Variants in GOLGA5 observed in about 807,000 individuals in gnomAD.
GOLGA5 encodes the protein golgin subfamily A member 5.
A neutral mutation model predicts 93.5 loss-of-function variants in GOLGA5; 50 were observed. That is an observed-to-expected ratio of 0.53 (90% CI 0.43 to 0.68). GOLGA5 has a LOEUF of 0.68. Ranked by LOEUF, GOLGA5 falls within the 30% of genes least tolerant of loss-of-function variation. GOLGA5 has a pLI of 0.00. For synonymous variants in GOLGA5, 312 were observed against 304.5 expected, an observed-to-expected ratio of 1.02 and a Z score of -0.26; for missense variants, 760 against 856.4, an observed-to-expected ratio of 0.89 and a Z score of 1.40.
chr14:92,823,263 T>C (rs1420999449), intron 8 of GOLGA5, among the ~76,000 whole-genome samples: 1 of 152,152 alleles, frequency 6.6e-6, no homozygotes, highest in Non-Finnish European at 1.5e-5. Flanking sequence ...ATTCTCAAGG[T>C]ATCTAGATCT....
intron 9 of GOLGA5, among the ~76,000 whole-genome samples, chr14:92,830,999 CTGAGG>C (rs1885520207): frequency 6.6e-6 from 1 of 152,186 alleles, no homozygotes; most frequent in Admixed American, 6.5e-5. Context: ...CATATTATCT[CTGAGG>C]TGTGCCTGTA....
chr14:92,799,041 G>T (rs1244367275), intron 2 of GOLGA5, among the ~76,000 whole-genome samples: 1 of 151,938 alleles, frequency 6.6e-6, no homozygotes, highest in Non-Finnish European at 1.5e-5. Flanking sequence ...ATCACAGCTC[G>T]CACTACCTTT....
chr14:92,819,098 C>T (rs1434037633), intron 7 of GOLGA5, among the ~76,000 whole-genome samples: 1 of 152,116 alleles, frequency 6.6e-6, no homozygotes, highest in African/African-American at 2.4e-5. Context: ...CAGTGAAGTC[C>T]TTTGTGCTAT....
At chr14:92,831,116 A>G (rs1273343619) in intron 9 of GOLGA5, among the ~76,000 whole-genome samples, 1 of 152,198 alleles carries the variant, frequency 6.6e-6, no homozygotes, top group East Asian at 1.9e-4. Flanking sequence ...GATTGGCAGT[A>G]GCATGTGTTG....
chr14:92,797,779 A>T lies in GOLGA5; in HGVS notation c.342A>T (p.Lys114Asn), dbSNP rs1296373182. ...PRPSSHFVRR[K>N]KSEPDDELLF... is the part of the protein sequence containing the mutation. ...CTTCATCCCATTTTGTGCGAAGAAA[A>T]AAGTCAGAACCTGATGATGAGCTGC... Residue 114 changes from lysine (K) to asparagine (N), a missense_variant, in exon 2 of 13, where the codon AAA (lysine) becomes AAT (asparagine). Coordinates refer to ENST00000163416, the MANE Select transcript of GOLGA5 (RefSeq NM_005113.4). The T allele has an allele frequency of 2.5e-6, 4 of 1,613,792 alleles. No homozygotes were observed. Among genetic ancestry groups the T allele is most frequent in the Non-Finnish European group, 3.4e-6 (4 of 1,179,910 alleles).
At chr14:92,833,440 C>A in intron 10 of GOLGA5, 93 bp downstream of exon 10, 1 of 899,766 alleles carries the variant, frequency 1.1e-6, no homozygotes, top group Non-Finnish European at 1.8e-6. Context: ...GAAACTTCAT[C>A]CAGTGAAGGA....
At chr14:92,838,226 C>T (rs1421839508) in intron 12 of GOLGA5, among the ~76,000 whole-genome samples, 1 of 152,102 alleles carries the variant, frequency 6.6e-6, no homozygotes, top group Non-Finnish European at 1.5e-5. Context: ...CCTAAAAAGG[C>T]TGCTAACTAT....
At chr14:92,807,538 A>C (rs1885014965) in intron 3 of GOLGA5, among the ~76,000 whole-genome samples, 1 of 152,188 alleles carries the variant, frequency 6.6e-6, no homozygotes, top group African/African-American at 2.4e-5. Flanking sequence ...GAGAGGAACA[A>C]ACTAGTAGTA....
chr14:92,818,533 G>A (rs1185207594), intron 7 of GOLGA5, among the ~76,000 whole-genome samples: 1 of 152,184 alleles, frequency 6.6e-6, no homozygotes, highest in Non-Finnish European at 1.5e-5. Context: ...TCAAATTGAT[G>A]ACAAAGATTA....
chr14:92,797,334 T>TC, intron 1 of GOLGA5, 74 bp from the exon 2 acceptor site: 2 of 856,922 alleles, frequency 2.3e-6, no homozygotes, highest in East Asian at 2.5e-5. Context: ...ATTGCCTGAC[T>TC]CCAGAGTCTG....
intron 4 of GOLGA5, among the ~76,000 whole-genome samples, 199 bp downstream of exon 4, chr14:92,809,718 C>T (rs1040994892): frequency 2.6e-5 from 4 of 152,118 alleles, no homozygotes; most frequent in Non-Finnish European, 5.9e-5. Context: ...CTTTGGGAAG[C>T]CGAGGCAGGT....
Position 92,811,827 on chromosome 14 carries a change from A to C in GOLGA5, c.1320+73A>C. 11 of 1,059,112 alleles carry C rather than the reference A, an allele frequency of 1.0e-5. No homozygotes were observed. In the South Asian group the frequency reaches 1.3e-4, roughly 12 times the overall value. 65.6% of individuals were successfully genotyped at this position (1,059,112 alleles called of 1,614,324 possible). ...TGAAAGGCAATTTGAGACTGTGTAG[A>C]TACTGTGTGAGGTGCTTTGTTCATG... On this transcript the variant is annotated intron_variant, in intron 6 of 12. Coordinates refer to ENST00000163416, the MANE Select transcript of GOLGA5 (RefSeq NM_005113.4).
At chr14:92,816,601 C>T (rs1885214323) in intron 7 of GOLGA5, among the ~76,000 whole-genome samples, 180 bp downstream of exon 7, 1 of 152,298 alleles carries the variant, frequency 6.6e-6, no homozygotes, top group African/African-American at 2.4e-5. Flanking sequence ...GGATCTTGCT[C>T]TGTCTCCCAG....
chr14:92,811,837 A>G (rs1885108951), intron 6 of GOLGA5, 83 bp downstream of exon 6: 2 of 980,696 alleles, frequency 2.0e-6, no homozygotes, highest in Admixed American at 1.9e-5. Context: ...ATACTGTGTG[A>G]GGTGCTTTGT....
At chr14:92,824,426 C>T (rs45487597) in intron 8 of GOLGA5, 120 bp from the exon 9 acceptor site, 11,228 of 578,830 alleles carry the variant, frequency 0.019, 177 homozygotes, top group Non-Finnish European at 0.025. Context: ...CAGTTATATA[C>T]GGAGTTACAT....
intron 8 of GOLGA5, among the ~76,000 whole-genome samples, chr14:92,820,147 C>T (rs1263286004): frequency 6.6e-6 from 1 of 152,208 alleles, no homozygotes; most frequent in Non-Finnish European, 1.5e-5. Flanking sequence ...TCTCTGCGTT[C>T]CCTCAGTATT....
chr14:92,825,215 A>T (rs1885392409), intron 9 of GOLGA5, among the ~76,000 whole-genome samples: 1 of 152,202 alleles, frequency 6.6e-6, no homozygotes, highest in Non-Finnish European at 1.5e-5. Flanking sequence ...ATAATCATTT[A>T]AATAATTTAC....
chr14:92,819,679 G>A (rs375842431), intron 7 of GOLGA5, 29 bp from the exon 8 acceptor site: 77 of 1,606,006 alleles, frequency 4.8e-5, no homozygotes, highest in Non-Finnish European at 6.6e-5. Flanking sequence ...GTTAATTATT[G>A]CTTTTACATG....
intron 12 of GOLGA5, among the ~76,000 whole-genome samples, chr14:92,838,358 T>A (rs1177743808): frequency 6.6e-6 from 1 of 152,056 alleles, no homozygotes; most frequent in African/African-American, 2.4e-5. Context: ...TTCCTTTAAA[T>A]ACAGGTTTTG....
Sources: allele counts gnomAD v4.1 joint callset (sites outside exome capture counted in the v4.1 genomes callset), GRCh38; gene constraint gnomAD v4.1.1; transcripts MANE v1.5; gene names NCBI Gene and HGNC (gene_info 2026-07-23, HGNC 2026-07-21).